ADCY8: variants seen among roughly 807,000 people sequenced by gnomAD.
ADCY8 encodes adenylate cyclase 8.
In ADCY8, 51 loss-of-function variants were observed where a neutral mutation model predicts 119.7. The observed-to-expected ratio is 0.43, with a 90% CI of 0.34 to 0.54. The LOEUF (loss-of-function observed/expected upper bound fraction) is 0.54, where lower values mean the gene tolerates loss of function less well. Ranked by LOEUF, ADCY8 falls within the 20% of genes least tolerant of loss-of-function variation. ADCY8 has a pLI of 0.03. For missense variants in ADCY8, 1,383 were observed against 1,598.8 expected, an observed-to-expected ratio of 0.87 and a Z score of 2.30; for synonymous variants, 665 against 651.0, an observed-to-expected ratio of 1.02 and a Z score of -0.33.
chr8:131,003,274 A>G (rs1823012404), intron 1 of ADCY8, among the ~76,000 whole-genome samples: 1 of 152,020 alleles, frequency 6.6e-6, no homozygotes, highest in African/African-American at 2.4e-5. Flanking sequence ...GTTAAAGGCT[A>G]AAAGTAAGGC....
In ADCY8 at chr8:130,898,281, G is replaced by C. The variant is rs1819474931; in HGVS notation, c.1911+5491C>G. Among the ~76,000 whole-genome samples the C allele has an allele frequency of 2.4e-5, 3 of 123,280 alleles. No homozygotes were observed. In the South Asian group the frequency reaches 8.0e-4, roughly 33 times the overall value. The allele number at this position is 123,280 out of a possible 152,430, so 80.9% of individuals were successfully genotyped here. On this transcript the variant is annotated intron_variant, in intron 7 of 17. Coordinates refer to ENST00000286355, the MANE Select transcript of ADCY8 (RefSeq NM_001115.3). The stretch of plus-strand genomic sequence containing the variant: ...GTAAGGTTGGTGTGAGAATTAGGTG[G>C]AAAAACATGGGCACACCACTCCCGA...
chr8:130,871,448 A>T (rs1265495408), intron 8 of ADCY8, among the ~76,000 whole-genome samples: 1 of 152,200 alleles, frequency 6.6e-6, no homozygotes, highest in Non-Finnish European at 1.5e-5. Flanking sequence ...TAGAAAATGG[A>T]TACAATAATA....
chr8:130,800,036 T>C (rs1417969754), intron 15 of ADCY8, among the ~76,000 whole-genome samples: 1 of 152,210 alleles, frequency 6.6e-6, no homozygotes, highest in Non-Finnish European at 1.5e-5. Flanking sequence ...CAAATGCAAA[T>C]GGACAGTTTT....
At chr8:130,816,435 T>TA (rs1359085298) in intron 13 of ADCY8, among the ~76,000 whole-genome samples, 11 of 146,668 alleles carry the variant, frequency 7.5e-5, no homozygotes, top group African/African-American at 2.7e-4. Context: ...TTCTTTTTTT[T>TA]TTTTTTTTGA....
At chr8:130,909,967 TTG>T (rs200854654) in intron 5 of ADCY8, 101 bp from the exon 6 acceptor site, 1 of 1,162,578 alleles carries the variant, frequency 8.6e-7, no homozygotes, top group East Asian at 2.5e-5. Context: ...AGACGGAGTT[TTG>T]CTCTGTCGCC....
chr8:130,790,711 C>T (rs1815398138), intron 15 of ADCY8, among the ~76,000 whole-genome samples: 1 of 152,138 alleles, frequency 6.6e-6, no homozygotes, highest in Non-Finnish European at 1.5e-5. Flanking sequence ...TAGGGATTCA[C>T]TCCCTGGGGA....
Position 130,903,836 on chromosome 8 carries a change from G to C in ADCY8, c.1847C>G (p.Ala616Gly). ...GCTCCAGGATCCTTCAGTGAATGTG[G>C]CCCCACTGTTTCTCCGGTCTGAGGA... ...VSSSDRRNSG[A>G]TFTEGSWSPE... The change falls in exon 7 of 18, where the codon GCC (alanine) becomes GGC (glycine). Residue 616 changes from alanine to glycine, a missense_variant. Coordinates refer to ENST00000286355, the MANE Select transcript of ADCY8 (RefSeq NM_001115.3). 3 of 1,613,762 alleles carry C rather than the reference G, an allele frequency of 1.9e-6. No individual in the cohort carries two copies. Among genetic ancestry groups the C allele is most frequent in the Non-Finnish European group, 2.5e-6 (3 of 1,179,990 alleles).
At chr8:130,895,499 C>T (rs1819356105) in intron 7 of ADCY8, among the ~76,000 whole-genome samples, 2 of 152,120 alleles carry the variant, frequency 1.3e-5, no homozygotes, top group Admixed American at 1.3e-4. Flanking sequence ...GATCCAATTG[C>T]CTACTTAATC....
intron 1 of ADCY8, among the ~76,000 whole-genome samples, chr8:131,034,174 C>T (rs1182354259): frequency 1.4e-4 from 21 of 151,956 alleles, no homozygotes; most frequent in Admixed American, 6.6e-5. Flanking sequence ...ATATTACATG[C>T]CATTTGTTGT....
In ADCY8 at chr8:130,787,736, A is replaced by C. The variant is rs183725439; in HGVS notation, c.3061-2261T>G. 7.1e-3 allele frequency among the ~76,000 whole-genome samples: 1,068 copies of C among 151,446 alleles called. 12 individuals are homozygous for C. The highest frequency in any genetic ancestry group is 0.025 in the African/African-American group (1,015 of 41,114). The stretch of plus-strand genomic sequence containing the variant: ...TGTGAGTATGCATTTGCATGTGTGC[A>C]TGTGTGTGTTGTTTTCATGCCTGTG... On this transcript the variant is annotated intron_variant, in intron 15 of 17. Transcript: ENST00000286355.
intron 8 of ADCY8, among the ~76,000 whole-genome samples, chr8:130,881,497 C>T (rs954307287): frequency 6.6e-6 from 1 of 152,070 alleles, no homozygotes; most frequent in Non-Finnish European, 1.5e-5. Flanking sequence ...CTTTCCTTTC[C>T]TACAAAGATT....
chr8:130,893,583 C>G (rs979800904), intron 7 of ADCY8, among the ~76,000 whole-genome samples: 4 of 151,932 alleles, frequency 2.6e-5, no homozygotes, highest in East Asian at 3.9e-4. Context: ...ATATCCAGAC[C>G]TAAGTTACTC....
At chr8:130,882,918 C>G (rs1818832380) in intron 8 of ADCY8, among the ~76,000 whole-genome samples, 1 of 152,030 alleles carries the variant, frequency 6.6e-6, no homozygotes. Flanking sequence ...CTGATGTGTC[C>G]TGTTGCCATC....
intron 7 of ADCY8, among the ~76,000 whole-genome samples, chr8:130,901,517 G>A (rs930275541): frequency 2.0e-5 from 3 of 152,116 alleles, no homozygotes; most frequent in African/African-American, 7.2e-5. Context: ...TCAGATGGTC[G>A]GGGCTTCCGT....
rs1360928713 is a variant in ADCY8, at chr8:131,039,371, T to C, written c.960+3A>G. The C allele has an allele frequency of 6.2e-7, 1 of 1,611,996 alleles. No individual in the cohort carries two copies. Among genetic ancestry groups the C allele is most frequent in the Admixed American group, 1.7e-5 (1 of 59,994 alleles). ...AAACAAATGCAAGGCAGGCAGGAGTTACCTGGTTGATGGAAATGACCGCCA... is the reference window on the plus strand; with the variant it reads ...AAACAAATGCAAGGCAGGCAGGAGTCACCTGGTTGATGGAAATGACCGCCA... On this transcript the variant is annotated splice_donor_region_variant and intron_variant, in intron 1 of 17. Transcript: ENST00000286355.
chr8:130,804,696 C>T (rs1373522871), intron 14 of ADCY8, among the ~76,000 whole-genome samples: 3 of 152,160 alleles, frequency 2.0e-5, no homozygotes, highest in South Asian at 2.1e-4. Context: ...GGTGTCTTAA[C>T]GATTGTTTGT....
chr8:130,846,877 C>T (rs1817336669), intron 11 of ADCY8, among the ~76,000 whole-genome samples: 1 of 34,506 alleles, frequency 2.9e-5, no homozygotes, highest in African/African-American at 1.5e-4. Flanking sequence ...CTTCCCTTCC[C>T]TTCCCTTCCC....
rs960639935 is a variant in ADCY8 at position 130,836,201 on chromosome 8, G to A, written c.2675+76C>T. 2.7e-5 allele frequency: 38 copies of A among 1,433,206 alleles called. 1 individual carries two copies. Among genetic ancestry groups the A allele is most frequent in the Admixed American group, 1.1e-4 (5 of 47,528 alleles). The allele number at this position is 1,433,206 out of a possible 1,614,324, so 88.8% of individuals were successfully genotyped here. A position where few individuals can be genotyped will look rare whatever the true frequency, so the allele number is the denominator to read the frequency against. ...AGGCCTTAAGTTTTAGTAATGCAGC[G>A]GGCATCATTTTCCCAACAATTCCAC... On this transcript the variant is annotated intron_variant, in intron 12 of 17. Coordinates refer to ENST00000286355, the MANE Select transcript of ADCY8 (RefSeq NM_001115.3).
chr8:130,939,366 GA>G, intron 4 of ADCY8, among the ~76,000 whole-genome samples: 1 of 152,268 alleles, frequency 6.6e-6, no homozygotes, highest in East Asian at 1.9e-4. Flanking sequence ...GAGAATTTGA[GA>G]ACCAGTGTTC....
Sources: allele counts gnomAD v4.1 joint callset (sites outside exome capture counted in the v4.1 genomes callset), GRCh38; gene constraint gnomAD v4.1.1; transcripts MANE v1.5; gene names NCBI Gene and HGNC (gene_info 2026-07-23, HGNC 2026-07-21).